The following CCDC59 variants were observed in gnomAD, a reference collection of about 807,000 sequenced individuals.
CCDC59 encodes the protein thyroid transcription factor 1-associated protein 26.
CCDC59 carries 27 observed loss-of-function variants against 30.5 expected under a neutral mutation model. That is an observed-to-expected ratio of 0.89 (90% CI 0.65 to 1.22). The LOEUF (loss-of-function observed/expected upper bound fraction) is 1.22. CCDC59 is among the 50% of genes most tolerant of loss of function. The pLI is 0.00. For synonymous variants in CCDC59, 125 were observed against 100.9 expected (o/e 1.24, Z -1.43); for missense variants, 362 against 284.4 (o/e 1.27, Z -1.96).
intron 1 of CCDC59, 46 bp from the exon 2 acceptor site, chr12:82,357,315 T>C (rs752501352): frequency 1.1e-5 from 16 of 1,503,804 alleles, no homozygotes; most frequent in African/African-American, 2.8e-5. Context: ...AGAAAAGAAG[T>C]TGAACGAAGA....
chr12:82,354,864 A>C (rs979221201), intron 2 of CCDC59: 1 of 242,156 alleles, frequency 4.1e-6, no homozygotes, highest in Admixed American at 5.3e-5. Context: ...TAAGGATGTT[A>C]AGAAAATTAT....
chr12:82,354,570 A>C lies in CCDC59; in HGVS notation c.489T>G (p.Asn163Lys), dbSNP rs992485919. The C allele has an allele frequency of 5.7e-6, 9 of 1,587,468 alleles. No homozygotes were observed. Among genetic ancestry groups the C allele is most frequent in the Non-Finnish European group, 7.7e-6 (9 of 1,163,746 alleles). Residue 163 changes from asparagine to lysine, a missense_variant, in exon 3 of 4, where the codon AAT becomes AAG. Physicochemically the swap from Asn to Lys is moderately conservative, Grantham distance 94. Transcript: ENST00000256151. Reference sequence around the variant, plus strand: ...CTTTTTGATTTGATGTTTTCTTTTTATTTTTCTTTGGAATTGTAAAGGAGC... The same window carrying C: ...CTTTTTGATTTGATGTTTTCTTTTTCTTTTTCTTTGGAATTGTAAAGGAGC... ...TVNSFTIPKK[N>K]KKKTSNQKAQ...
rs1880886393 is a variant in CCDC59 at position 82,353,328 on chromosome 12, T to C, written c.565-16A>G. The C allele has an allele frequency of 6.3e-7, 1 of 1,581,412 alleles. No homozygotes were observed. The highest frequency in any genetic ancestry group is 8.6e-7 in the Non-Finnish European group (1 of 1,166,236). Reference sequence around the variant, plus strand: ...TCTCGAATTCCTAAAATTATTAACATATGTAACTTTCATTAGCAACAAACA... The same window carrying C: ...TCTCGAATTCCTAAAATTATTAACACATGTAACTTTCATTAGCAACAAACA... On this transcript the variant is annotated splice_polypyrimidine_tract_variant and intron_variant, in intron 3 of 3. Transcript: ENST00000256151.
At chr12:82,353,533 G>A (rs533133253) in intron 3 of CCDC59, among the ~76,000 whole-genome samples, 1 of 152,174 alleles carries the variant, frequency 6.6e-6, no homozygotes, top group African/African-American at 2.4e-5. Context: ...CAAAGCCCCA[G>A]CTCTATATAA....
upstream of CCDC59, chr12:82,358,419 C>T: frequency 1.2e-6 from 2 of 1,609,104 alleles, no homozygotes; most frequent in South Asian, 1.1e-5. Flanking sequence ...CGACGGACGC[C>T]CACAAAATAC....
At chr12:82,354,317 C>T (rs903018339) in intron 3 of CCDC59, among the ~76,000 whole-genome samples, 178 bp downstream of exon 3, 10 of 152,082 alleles carry the variant, frequency 6.6e-5, no homozygotes, top group African/African-American at 2.4e-4. Context: ...TGACATAATA[C>T]AAGCAAGGAC....
rs1881065979 is a variant in CCDC59 at position 82,357,027 on chromosome 12, G to C, written c.397C>G (p.Pro133Ala). The C allele has an allele frequency of 1.9e-6, 3 of 1,614,002 alleles. No homozygotes were observed. Among genetic ancestry groups the C allele is most frequent in the Non-Finnish European group, 2.5e-6 (3 of 1,180,008 alleles). Residue 133 changes from proline to alanine, a missense_variant, in exon 2 of 4, where the codon CCT becomes GCT. Physicochemically the swap from Pro to Ala is conservative, Grantham distance 27. Coordinates refer to ENST00000256151, the MANE Select transcript of CCDC59 (RefSeq NM_014167.5). ...AAGCTACACTGATCTTCAAATAAAGGCTCGTCAATGCTACACTGTTCTTCA... is the reference window on the plus strand; with the variant it reads ...AAGCTACACTGATCTTCAAATAAAGCCTCGTCAATGCTACACTGTTCTTCA... The part of the protein sequence containing the change: ...LLEEQCSIDE[P>A]LFEDQCSFDQ...
intron 3 of CCDC59, 39 bp from the exon 4 acceptor site, chr12:82,353,351 A>G (rs969165672): frequency 6.8e-7 from 1 of 1,460,842 alleles, no homozygotes; most frequent in African/African-American, 1.4e-5. Context: ...TTAGCAACAA[A>G]CAGTAGATAC....
In CCDC59 at chr12:82,358,106, C is replaced by T. The variant is rs75552038; in HGVS notation, c.154+117G>A. The T allele has an allele frequency of 2.6e-3, 3,006 of 1,175,628 alleles. 51 individuals are homozygous for T. In the African/African-American group the frequency reaches 0.041, roughly 16 times the overall value. 72.8% of individuals were successfully genotyped at this position (1,175,628 alleles called of 1,614,324 possible). On this transcript the variant is annotated intron_variant, in intron 1 of 3. Transcript: ENST00000256151. ...CTTTAGCGGGCTCAGGAATGAATTC[C>T]CTTGCCCCAAGTAGGACCGGGTCTG... is the stretch of plus-strand genomic sequence containing the variant.
chr12:82,354,924 T>C (rs1321793715), intron 2 of CCDC59: 1 of 177,180 alleles, frequency 5.6e-6, no homozygotes, highest in Non-Finnish European at 1.2e-5. Context: ...CTCCTCTCTA[T>C]TCCATTTTAC....
chr12:82,353,998 T>G lies in CCDC59; in HGVS notation c.564+497A>C, dbSNP rs572636541. On this transcript the variant is annotated intron_variant, in intron 3 of 3. Transcript: ENST00000256151. ...TTTCTAAATAATAGAGTGCTAACTTTTGCTAAGCTAAAATAATAGTTGTTT... is the reference window on the plus strand; with the variant it reads ...TTTCTAAATAATAGAGTGCTAACTTGTGCTAAGCTAAAATAATAGTTGTTT... 3.6e-5 allele frequency among the ~76,000 whole-genome samples: 5 copies of G among 140,070 alleles called. No homozygotes were observed. In the South Asian group the frequency reaches 1.2e-3, roughly 34 times the overall value. 91.9% of individuals were successfully genotyped at this position (140,070 alleles called of 152,430 possible). A position where few individuals can be genotyped will look rare whatever the true frequency, so the allele number is the denominator to read the frequency against.
At chr12:82,354,404 G>A (rs1880935816) in intron 3 of CCDC59, 91 bp downstream of exon 3, 1 of 906,160 alleles carries the variant, frequency 1.1e-6, no homozygotes, top group South Asian at 2.3e-5. Context: ...AGAATACTGT[G>A]TGCCCAGCAC....
chr12:82,355,422 T>G (rs1880978208), intron 2 of CCDC59: 1 of 152,166 alleles, frequency 6.6e-6, no homozygotes, highest in African/African-American at 2.4e-5. Flanking sequence ...AAGGTAAAAG[T>G]TCTTGACTTA....
In CCDC59 at chr12:82,357,090, C is replaced by T. The variant is rs200642469; in HGVS notation, c.334G>A (p.Asp112Asn). 17 of 1,614,124 alleles carry T rather than the reference C, an allele frequency of 1.1e-5. No homozygotes were observed. The highest frequency in any genetic ancestry group is 1.4e-5 in the Non-Finnish European group (16 of 1,180,010). ...TGAACTTGTTCTGACAAAGGATGGT[C>T]GACTTTTCTTGCTTGCTTCCTATGT... ...ERHRKQARKVDHPLSEQVHQP... is the reference protein window; with the variant it reads ...ERHRKQARKVNHPLSEQVHQP... Residue 112 changes from aspartate (D) to asparagine (N), a missense_variant, in exon 2 of 4, where the codon GAC becomes AAC. Physicochemically the swap from Asp to Asn is conservative, Grantham distance 23. Coordinates refer to ENST00000256151, the MANE Select transcript of CCDC59 (RefSeq NM_014167.5).
At chr12:82,358,562 C>T (rs778622172), upstream of CCDC59, 21 of 1,609,142 alleles carry the variant, frequency 1.3e-5, no homozygotes, top group Admixed American at 3.3e-5. Context: ...GGAGGGTGAG[C>T]GTCATGGCGG....
At chr12:82,353,614 T>G (rs1336727660) in intron 3 of CCDC59, among the ~76,000 whole-genome samples, 2 of 152,180 alleles carry the variant, frequency 1.3e-5, no homozygotes, top group Non-Finnish European at 2.9e-5. Flanking sequence ...TGATATACTG[T>G]TTCCAAAGGT....
rs1453125896 is a variant in CCDC59, at chr12:82,356,953, T to C, written c.464+7A>G. ...CTTAAAGGATTTCAAATGAAGAAAA[T>C]ACATACTTTACTGTTTTAATACATT... is the stretch of plus-strand genomic sequence containing the variant. On this transcript the variant is annotated splice_region_variant and intron_variant, in intron 2 of 3. Transcript: ENST00000256151. 2.5e-6 allele frequency: 4 copies of C among 1,589,208 alleles called. No individual in the cohort carries two copies. Among genetic ancestry groups the C allele is most frequent in the Non-Finnish European group, 3.4e-6 (4 of 1,161,716 alleles).
chr12:82,358,721 C>CT (rs753737511), upstream of CCDC59: 4 of 1,614,058 alleles, frequency 2.5e-6, no homozygotes, highest in Non-Finnish European at 3.4e-6. Context: ...AGCTGGTCGA[C>CT]TTGCCACCGG....
upstream of CCDC59, chr12:82,358,692 A>G (rs1305702334): frequency 6.2e-7 from 1 of 1,614,142 alleles, no homozygotes; most frequent in Admixed American, 1.7e-5. Context: ...GGATTTCTAC[A>G]CAGAATCCGT....
Sources: gnomAD v4.1 joint callset for allele counts (sites outside exome capture counted in the v4.1 genomes callset) on GRCh38, gnomAD v4.1.1 for gene constraint, MANE v1.5 for transcripts, NCBI Gene and HGNC (gene_info 2026-07-23, HGNC 2026-07-21) for gene names.